SDK1: variants seen among roughly 807,000 people sequenced by gnomAD.
The protein encoded by SDK1 is protein sidekick-1.
In SDK1, 157 loss-of-function variants were observed where a neutral mutation model predicts 245.5. The observed-to-expected ratio is 0.64, with a 90% CI of 0.56 to 0.73. The LOEUF (loss-of-function observed/expected upper bound fraction) is 0.73, where lower values mean the gene tolerates loss of function less well. Among genes scored for constraint, SDK1 ranks in the 30% least tolerant of loss-of-function variants. SDK1 has a pLI of 0.00. For missense variants in SDK1, 3,583 were observed against 3,002.3 expected (o/e 1.19, Z -4.52); for synonymous variants, 1,647 against 1,278.5 (o/e 1.29, Z -6.15).
At chr7:3,406,728 T>TCAGACCATCA in intron 1 of SDK1, among the ~76,000 whole-genome samples, 1 of 152,166 alleles carries the variant, frequency 6.6e-6, no homozygotes, top group South Asian at 2.1e-4. Context: ...TCAGACTTTT[T>TCAGACCATCA]GAATGCTGGA....
intron 5 of SDK1, among the ~76,000 whole-genome samples, chr7:3,825,649 T>C (rs1779756387): frequency 6.6e-6 from 1 of 152,252 alleles, no homozygotes; most frequent in African/African-American, 2.4e-5. Flanking sequence ...TAACATTCTT[T>C]TGTCCTCTAT....
intron 44 of SDK1, 47 bp from the exon 45 acceptor site, chr7:4,265,060 GCCCAGCACGCTCCGGGC>G (rs552543749): frequency 0.023 from 36,308 of 1,566,228 alleles, 961 homozygotes; most frequent in South Asian, 0.11. Context: ...CAGGCCTCCT[GCCCAGCACGCTCCGGGC>G]CCTGCGCCCT....
chr7:4,241,786 G>A lies in SDK1; in HGVS notation c.6131-7G>A, dbSNP rs762587260. 1 of 1,614,020 alleles carries A rather than the reference G, an allele frequency of 6.2e-7. No individual in the cohort carries two copies. The highest frequency in any genetic ancestry group is 1.1e-5 in the South Asian group (1 of 91,088). The stretch of plus-strand genomic sequence containing the variant: ...ACGTCTGTTCTCACTCTCCTGCTGG[G>A]CTTTAGGAAAGGGGATCTCCACCAT... On this transcript the variant is annotated splice_polypyrimidine_tract_variant and splice_region_variant and intron_variant, in intron 42 of 44. Transcript: ENST00000404826.
At chr7:4,016,845 C>T (rs377676466) in intron 16 of SDK1, among the ~76,000 whole-genome samples, 1 of 152,274 alleles carries the variant, frequency 6.6e-6, no homozygotes, top group East Asian at 1.9e-4. Flanking sequence ...ACAGCAACTC[C>T]CCGATGGAAA....
intron 4 of SDK1, among the ~76,000 whole-genome samples, chr7:3,788,056 C>T (rs1026497397): frequency 3.3e-5 from 5 of 152,132 alleles, no homozygotes; most frequent in Admixed American, 2.0e-4. Context: ...TCGTGTGCTC[C>T]GGGGAGTGGA....
rs183775768 is a variant in SDK1 at position 3,949,553 on chromosome 7, C to T, written c.848-1370C>T. On this transcript the variant is annotated intron_variant, in intron 5 of 44. Transcript: ENST00000404826. ...CCTTCAGCGTGAAGCCCAGATGAAG[C>T]GTTTTGCGTTTGCAGTCATTTCCAT... Among the ~76,000 whole-genome samples, 19 of 152,336 alleles carry T rather than the reference C, an allele frequency of 1.2e-4. No individual in the cohort carries two copies. In the East Asian group the frequency reaches 2.9e-3, roughly 23 times the overall value.
chr7:3,940,039 G>A (rs796208699), intron 5 of SDK1, among the ~76,000 whole-genome samples: 28 of 152,366 alleles, frequency 1.8e-4, no homozygotes, highest in African/African-American at 6.5e-4. Context: ...GCTTCCCATT[G>A]TCAGAAAGCA....
chr7:4,069,099 T>G (rs978185844), intron 20 of SDK1, among the ~76,000 whole-genome samples: 23 of 152,208 alleles, frequency 1.5e-4, no homozygotes, highest in African/African-American at 5.3e-4. Context: ...AAATCTTGGT[T>G]TGACAAAAGC....
intron 1 of SDK1, among the ~76,000 whole-genome samples, chr7:3,533,216 C>A (rs1470146482): frequency 1.3e-5 from 2 of 152,106 alleles, no homozygotes; most frequent in African/African-American, 4.8e-5. Context: ...AATGTCACTC[C>A]TGATAAGACT....
At chr7:3,903,379 C>T (rs532461265) in intron 5 of SDK1, among the ~76,000 whole-genome samples, 2 of 152,168 alleles carry the variant, frequency 1.3e-5, no homozygotes, top group South Asian at 2.1e-4. Context: ...ATCTGCTGAC[C>T]TTGTGATCCG....
intron 5 of SDK1, 87 bp downstream of exon 5, chr7:3,821,670 A>G (rs943455492): frequency 1.4e-5 from 20 of 1,449,432 alleles, no homozygotes; most frequent in Admixed American, 5.7e-5. Context: ...ACATTTTGCA[A>G]TAAATTTTCT....
chr7:3,471,029 A>G (rs1030091194), intron 1 of SDK1, among the ~76,000 whole-genome samples: 1 of 152,196 alleles, frequency 6.6e-6, no homozygotes, highest in African/African-American at 2.4e-5. Context: ...GAGTTGACCA[A>G]CAAGATTCCA....
intron 1 of SDK1, among the ~76,000 whole-genome samples, chr7:3,549,443 A>G (rs778535741): frequency 2.6e-5 from 4 of 152,160 alleles, no homozygotes; most frequent in East Asian, 1.9e-4. Flanking sequence ...AAAAATTTTA[A>G]TATGCTAAAT....
intron 1 of SDK1, among the ~76,000 whole-genome samples, chr7:3,369,960 G>A (rs887476482): frequency 3.9e-5 from 6 of 152,324 alleles, no homozygotes; most frequent in East Asian, 1.9e-4. Context: ...GTGAGTATCC[G>A]TGGCAGTTCG....
In SDK1 at chr7:4,220,262, C is replaced by T; in HGVS notation, c.5693C>T (p.Pro1898Leu). The stretch of plus-strand genomic sequence containing the variant: ...CTCCAAGCCAATATCACAGCCGGGC[C>T]AGCCGAGGGTAAGTGGAACTCCAGG... ...PELQANITAGPAEGSPGSPRD... is the reference protein window; with the variant it reads ...PELQANITAGLAEGSPGSPRD... Residue 1898 changes from proline to leucine, a missense_variant, in exon 39 of 45, where the codon CCA becomes CTA. By Grantham distance (98) the Pro-to-Leu change is moderately conservative. Coordinates refer to ENST00000404826, the MANE Select transcript of SDK1 (RefSeq NM_152744.4). 1 of 1,613,438 alleles carries T rather than the reference C, an allele frequency of 6.2e-7. No homozygotes were observed. The highest frequency in any genetic ancestry group is 8.5e-7 in the Non-Finnish European group (1 of 1,179,662).
intron 4 of SDK1, among the ~76,000 whole-genome samples, chr7:3,762,174 C>T (rs887799294): frequency 1.3e-5 from 2 of 152,212 alleles, no homozygotes; most frequent in Non-Finnish European, 1.5e-5. Flanking sequence ...ACTCCTACAA[C>T]AATCCTTTCA....
At position 4,077,097 on chromosome 7, in the gene SDK1, C is replaced by T. The variant is rs746310316; in HGVS notation, c.3110C>T (p.Ser1037Phe). 3.1e-6 allele frequency: 5 copies of T among 1,614,242 alleles called. No individual in the cohort carries two copies. Among genetic ancestry groups the T allele is most frequent in the Non-Finnish European group, 4.2e-6 (5 of 1,180,040 alleles). The change falls in exon 21 of 45, where the codon TCT becomes TTT. Residue 1037 changes from serine (S) to phenylalanine (F), a missense_variant. Ser to Phe is a radical substitution (Grantham distance 155). Coordinates refer to ENST00000404826, the MANE Select transcript of SDK1 (RefSeq NM_152744.4). Reference sequence around the variant, plus strand: ...GAGTACAAGATCCAAGGCCTCTCATCTCTCACCACCTACACCATCGACGTG... The same window carrying T: ...GAGTACAAGATCCAAGGCCTCTCATTTCTCACCACCTACACCATCGACGTG... ...THEYKIQGLS[S>F]LTTYTIDVAA... is the part of the protein sequence containing the mutation.
chr7:3,455,080 G>A (rs902952946), intron 1 of SDK1, among the ~76,000 whole-genome samples: 1 of 151,548 alleles, frequency 6.6e-6, no homozygotes, highest in South Asian at 2.1e-4. Context: ...AATGGCTACT[G>A]GTGTTGGATA....
rs117511677 is a variant in SDK1, at chr7:3,908,296, G to T, written c.848-42627G>T. On this transcript the variant is annotated intron_variant, in intron 5 of 44. Transcript: ENST00000404826. ...TCTGTCATGGGATGGAAAATTCATT[G>T]CACAAATGCAAGTGGAAGCAGGGAG... Among the ~76,000 whole-genome samples, 534 of 152,278 alleles carry T rather than the reference G, an allele frequency of 3.5e-3. 6 individuals are homozygous for T. The highest frequency in any genetic ancestry group is 0.034 in the South Asian group (164 of 4,812).
Sources: gnomAD v4.1 joint callset for allele counts (sites outside exome capture counted in the v4.1 genomes callset) on GRCh38, gnomAD v4.1.1 for gene constraint, MANE v1.5 for transcripts, NCBI Gene and HGNC (gene_info 2026-07-23, HGNC 2026-07-21) for gene names.